The following SNX13 variants were observed in gnomAD, a reference collection of about 807,000 sequenced individuals.
SNX13 encodes the protein sorting nexin 13.
SNX13 carries 45 observed loss-of-function variants against 133.6 expected under a neutral mutation model. The ratio of observed to expected loss-of-function variants is 0.34; its 90% CI spans 0.27 to 0.43. The LOEUF is 0.43. Ranked by LOEUF, SNX13 falls within the 20% of genes least tolerant of loss-of-function variation. The probability of loss-of-function intolerance (pLI) is 1.00; values close to 1 mark genes in which losing one functional copy is unlikely to be tolerated. For missense variants in SNX13, 1,032 were observed against 1,145.1 expected, an observed-to-expected ratio of 0.90 and a Z score of 1.43; for synonymous variants, 414 against 373.9, an observed-to-expected ratio of 1.11 and a Z score of -1.24.
At chr7:17,866,167 G>C (rs922164557) in intron 9 of SNX13, among the ~76,000 whole-genome samples, 2 of 151,956 alleles carry the variant, frequency 1.3e-5, no homozygotes, top group African/African-American at 4.8e-5. Flanking sequence ...AAAGGCTTCT[G>C]CACAGCAAAG....
At chr7:17,828,122 A>G (rs766683597) in intron 16 of SNX13, among the ~76,000 whole-genome samples, 1 of 151,736 alleles carries the variant, frequency 6.6e-6, no homozygotes, top group Non-Finnish European at 1.5e-5. Flanking sequence ...TGTCTCTTAA[A>G]ATATGCAATT....
At chr7:17,907,179 T>C (rs897367733) in intron 1 of SNX13, 2 of 152,184 alleles carry the variant, frequency 1.3e-5, no homozygotes, top group Non-Finnish European at 2.9e-5. Flanking sequence ...GTGGCAATGA[T>C]TGATTCACTG....
chr7:17,847,827 A>G (rs1027758585), intron 11 of SNX13, among the ~76,000 whole-genome samples: 45 of 152,280 alleles, frequency 3.0e-4, no homozygotes, highest in Admixed American at 1.2e-3. Flanking sequence ...AGGAAGTCCA[A>G]TGGTCAATTC....
At chr7:17,874,395 G>A (rs773876732) in intron 7 of SNX13, among the ~76,000 whole-genome samples, 4 of 152,102 alleles carry the variant, frequency 2.6e-5, no homozygotes, top group Non-Finnish European at 5.9e-5. Context: ...GGTTAACAGT[G>A]GGCTGTTAGT....
In SNX13 at chr7:17,850,961, G is replaced by A. The variant is rs756740686; in HGVS notation, c.841C>T (p.Arg281Cys). 5 of 1,599,548 alleles carry A rather than the reference G, an allele frequency of 3.1e-6. No homozygotes were observed. The highest frequency in any genetic ancestry group is 4.3e-6 in the Non-Finnish European group (5 of 1,174,924). The part of the protein sequence containing the change: ...YINQYVIWMI[R>C]DSNCNYEAFM... ...GCCTCATAGTTGCAGTTAGAATCAC[G>A]GATCTGAAAACAAGTTTAAGAAAAA... The change falls in exon 10 of 26, where the codon CGT becomes TGT. Residue 281 changes from arginine (R) to cysteine (C), a missense_variant. Transcript: ENST00000428135.
At chr7:17,897,748 A>G (rs1797363812) in intron 1 of SNX13, 1 of 179,960 alleles carries the variant, frequency 5.6e-6, no homozygotes, top group Non-Finnish European at 1.2e-5. Context: ...AAATCCTAGC[A>G]TGAGAAATAC....
At position 17,799,006 on chromosome 7, in the gene SNX13, T is replaced by G; in HGVS notation, c.2444+3A>C. ...ATTAAAAGCGAGGAGGAAAGAGTGC[T>G]ACCTATTAATAGTATCGCCATATGT... On this transcript the variant is annotated splice_donor_region_variant and intron_variant, in intron 23 of 25. Coordinates refer to ENST00000428135, the MANE Select transcript of SNX13 (RefSeq NM_015132.5). 1 of 1,607,008 alleles carries G rather than the reference T, an allele frequency of 6.2e-7. No homozygotes were observed. The highest frequency in any genetic ancestry group is 8.5e-7 in the Non-Finnish European group (1 of 1,176,638).
chr7:17,872,587 A>G (rs907279389), intron 8 of SNX13, among the ~76,000 whole-genome samples: 1 of 152,170 alleles, frequency 6.6e-6, no homozygotes, highest in African/African-American at 2.4e-5. Context: ...ATCAAAACCA[A>G]GCACTTTCTA....
At chr7:17,829,137 C>T (rs1788210482) in intron 16 of SNX13, among the ~76,000 whole-genome samples, 1 of 151,474 alleles carries the variant, frequency 6.6e-6, no homozygotes, top group Non-Finnish European at 1.5e-5. Flanking sequence ...ATTTTAGAAG[C>T]AGACATGGTA....
At chr7:17,890,281 C>T in intron 5 of SNX13, 82 bp downstream of exon 5, 1 of 1,306,788 alleles carries the variant, frequency 7.7e-7, no homozygotes, top group Non-Finnish European at 1.0e-6. Flanking sequence ...ATAAACAATT[C>T]CTCCCCTTAA....
chr7:17,933,529 C>T (rs10232030), intron 1 of SNX13, among the ~76,000 whole-genome samples: 1 of 148,280 alleles, frequency 6.7e-6, no homozygotes, highest in Non-Finnish European at 1.5e-5. Context: ...GGCAACAGAG[C>T]GAGACTCTGT....
chr7:17,940,191 G>T, intron 1 of SNX13, 93 bp downstream of exon 1: 1 of 1,518,962 alleles, frequency 6.6e-7, no homozygotes, highest in Non-Finnish European at 8.9e-7. Flanking sequence ...CGAAGGGTCA[G>T]GCCCACCTTC....
In SNX13 at chr7:17,800,165, A is replaced by C. The variant is rs772244914; in HGVS notation, c.2299-1011T>G. On this transcript the variant is annotated intron_variant, in intron 22 of 25. Coordinates refer to ENST00000428135, the MANE Select transcript of SNX13 (RefSeq NM_015132.5). ...CCATATGAAAATCTAATAAATAGCT[A>C]AACTGTAAAAACCACATACCAAAGG... 2.6e-5 allele frequency among the ~76,000 whole-genome samples: 4 copies of C among 151,770 alleles called. No homozygotes were observed. In the East Asian group the frequency reaches 7.7e-4, roughly 29 times the overall value.
chr7:17,852,119 A>C (rs907014415), intron 9 of SNX13, among the ~76,000 whole-genome samples: 3 of 152,260 alleles, frequency 2.0e-5, no homozygotes, highest in African/African-American at 4.8e-5. Context: ...AGTGCTTGTA[A>C]TCGCAGCACT....
At chr7:17,873,483 T>G in intron 8 of SNX13, 45 bp downstream of exon 8, 5 of 1,352,170 alleles carry the variant, frequency 3.7e-6, no homozygotes, top group Non-Finnish European at 4.9e-6. Context: ...AAACTACTGC[T>G]CTACATTTTT....
At chr7:17,884,941 A>G (rs1795809591) in intron 5 of SNX13, among the ~76,000 whole-genome samples, 1 of 152,184 alleles carries the variant, frequency 6.6e-6, no homozygotes, top group South Asian at 2.1e-4. Context: ...CCACTATGAA[A>G]AAGTTTGCAG....
chr7:17,940,266 G>T lies in SNX13; in HGVS notation c.12+18C>A. 1 of 1,557,918 alleles carries T rather than the reference G, an allele frequency of 6.4e-7. No individual in the cohort carries two copies. The highest frequency in any genetic ancestry group is 2.4e-5 in the East Asian group (1 of 41,378). On this transcript the variant is annotated intron_variant, in intron 1 of 25. Transcript: ENST00000428135. ...TTCCCCATTTCACAGGTAAACACTG[G>T]CCACCGTCGCCGCTTACCTCAGTTA...
intron 25 of SNX13, chr7:17,794,992 T>C (rs2128281568): frequency 6.6e-6 from 1 of 151,816 alleles, no homozygotes; most frequent in East Asian, 1.9e-4. Context: ...GGCAGGATTT[T>C]GATAGGTGCA....
At chr7:17,928,511 T>C (rs1172614306) in intron 1 of SNX13, among the ~76,000 whole-genome samples, 1 of 152,206 alleles carries the variant, frequency 6.6e-6, no homozygotes, top group Non-Finnish European at 1.5e-5. Context: ...AAGCATGTTC[T>C]TGAACCATTA....
Sources: allele counts gnomAD v4.1 joint callset (sites outside exome capture counted in the v4.1 genomes callset), GRCh38; gene constraint gnomAD v4.1.1; transcripts MANE v1.5; gene names NCBI Gene and HGNC (gene_info 2026-07-23, HGNC 2026-07-21).